PTPN21: variants seen among roughly 807,000 people sequenced by gnomAD.
The protein encoded by PTPN21 is protein tyrosine phosphatase non-receptor type 21.
Under a neutral mutation model 131.8 loss-of-function variants are expected in PTPN21, and 77 were observed. The ratio of observed to expected loss-of-function variants is 0.58; its 90% CI spans 0.49 to 0.71. PTPN21 has a LOEUF of 0.71. Ranked by LOEUF, PTPN21 falls within the 30% of genes least tolerant of loss-of-function variation. PTPN21 has a pLI of 0.00. For missense variants in PTPN21, 1,552 were observed against 1,527.1 expected (o/e 1.02, Z -0.27); for synonymous variants, 715 against 621.3 (o/e 1.15, Z -2.24).
At chr14:88,548,847 C>A (rs888146507) in intron 2 of PTPN21, among the ~76,000 whole-genome samples, 1 of 152,164 alleles carries the variant, frequency 6.6e-6, no homozygotes, top group Non-Finnish European at 1.5e-5. Flanking sequence ...CATGAGTACT[C>A]CATAACTTCC....
chr14:88,495,390 G>A (rs150206891), intron 10 of PTPN21, among the ~76,000 whole-genome samples: 1 of 152,342 alleles, frequency 6.6e-6, no homozygotes, highest in Non-Finnish European at 1.5e-5. Context: ...GCCGGGCACG[G>A]TGGCTCACGC....
chr14:88,479,479 C>T lies in PTPN21; in HGVS notation c.1952G>A (p.Arg651Gln), dbSNP rs754570259. The change falls in exon 13 of 19, where the codon CGG (arginine) becomes CAG (glutamine). Residue 651 changes from arginine (R) to glutamine (Q), a missense_variant. By Grantham distance (43) the Arg-to-Gln change is conservative (BLOSUM62 1). Coordinates refer to ENST00000556564, the MANE Select transcript of PTPN21 (RefSeq NM_007039.4). ...AGLSHGLEGLRLKERTLSASA... is the reference protein window; with the variant it reads ...AGLSHGLEGLQLKERTLSASA... ...CGCGGATAGGGTGCGCTCCTTGAGC[C>T]GCAGGCCCTCCAGGCCGTGGCTGAG... is the stretch of plus-strand genomic sequence containing the variant. 6 of 1,602,076 alleles carry T rather than the reference C, an allele frequency of 3.7e-6. No individual in the cohort carries two copies. The South Asian group carries it at 6.6e-5, about 18-fold the overall frequency.
intron 4 of PTPN21, among the ~76,000 whole-genome samples, chr14:88,506,642 CAAGTGG>C (rs1190760264): frequency 1.3e-5 from 2 of 152,092 alleles, no homozygotes; most frequent in African/African-American, 4.8e-5. Context: ...AGAAACCAAA[CAAGTGG>C]GAGTGGGGTG....
At chr14:88,548,135 CCT>C (rs2078809013) in intron 2 of PTPN21, among the ~76,000 whole-genome samples, 1 of 152,154 alleles carries the variant, frequency 6.6e-6, no homozygotes, top group Admixed American at 6.5e-5. Flanking sequence ...ATTCCAACCA[CCT>C]CTCTCCAACC....
intron 2 of PTPN21, among the ~76,000 whole-genome samples, chr14:88,521,517 C>T (rs1344143699): frequency 3.3e-5 from 5 of 151,588 alleles, no homozygotes; most frequent in Non-Finnish European, 7.4e-5. Flanking sequence ...CTTCTCCTGC[C>T]TCAGCCTCCC....
In PTPN21 at chr14:88,488,212, C is replaced by T. The variant is rs117152625; in HGVS notation, c.933-2370G>A. On this transcript the variant is annotated intron_variant, in intron 10 of 18. Transcript: ENST00000556564. ...ATTCTCTGTCAACAAACTCCAACAA[C>T]ATGTCTACAGTTGCCCAGCCTGGGG... Among the ~76,000 whole-genome samples, 382 of 152,254 alleles carry T rather than the reference C, an allele frequency of 2.5e-3. 2 individuals carry two copies. The highest frequency in any genetic ancestry group is 3.7e-3 in the Non-Finnish European group (254 of 68,020).
intron 10 of PTPN21, among the ~76,000 whole-genome samples, chr14:88,489,537 A>G (rs2077790241): frequency 2.6e-5 from 4 of 152,190 alleles, no homozygotes; most frequent in Non-Finnish European, 5.9e-5. Flanking sequence ...TGGCTACTTC[A>G]GAAGCTGAGG....
intron 10 of PTPN21, among the ~76,000 whole-genome samples, chr14:88,489,795 G>A (rs941870468): frequency 2.0e-5 from 3 of 150,568 alleles, no homozygotes; most frequent in Non-Finnish European, 4.4e-5. Flanking sequence ...GGTAGACCAG[G>A]GCTGCATCCA....
At chr14:88,497,049 C>T (rs1369481116) in intron 9 of PTPN21, among the ~76,000 whole-genome samples, 154 bp downstream of exon 9, 1 of 152,186 alleles carries the variant, frequency 6.6e-6, no homozygotes, top group Non-Finnish European at 1.5e-5. Flanking sequence ...TGCCATTTTG[C>T]AAAATGCTAT....
At chr14:88,481,421 C>T (rs1167797371) in intron 12 of PTPN21, among the ~76,000 whole-genome samples, 3 of 152,114 alleles carry the variant, frequency 2.0e-5, no homozygotes, top group African/African-American at 7.2e-5. Flanking sequence ...TCACTGCTGC[C>T]ACAGCTCGGG....
intron 8 of PTPN21, among the ~76,000 whole-genome samples, chr14:88,499,877 T>A (rs2077983132): frequency 6.6e-6 from 1 of 152,222 alleles, no homozygotes; most frequent in African/African-American, 2.4e-5. Context: ...ATCTTTAAGA[T>A]ACAAATTAGA....
Position 88,469,818 on chromosome 14 carries a change from A to G in PTPN21, c.3001-85T>C. On this transcript the variant is annotated intron_variant, in intron 16 of 18. Transcript: ENST00000556564. The surrounding 1 kb of genome is among the most constrained non-coding windows in gnomAD (Gnocchi z 4.3). The stretch of plus-strand genomic sequence containing the variant: ...TAGACGGCACATCTGAAACAGAACC[A>G]CAACCCTACCCTGCCTTTTTCTCCA... 6.2e-7 allele frequency: 1 copy of G among 1,601,642 alleles called. No homozygotes were observed. Among genetic ancestry groups the G allele is most frequent in the South Asian group, 1.1e-5 (1 of 90,744 alleles).
intron 3 of PTPN21, 48 bp downstream of exon 3, chr14:88,517,044 C>G: frequency 6.3e-7 from 1 of 1,582,734 alleles, no homozygotes; most frequent in Non-Finnish European, 8.6e-7. Flanking sequence ...TCACTTTTTA[C>G]ATCTCACTAG....
intron 5 of PTPN21, among the ~76,000 whole-genome samples, chr14:88,505,069 AT>A (rs1033395355): frequency 1.3e-5 from 2 of 152,150 alleles, no homozygotes; most frequent in Non-Finnish European, 2.9e-5. Context: ...TAGAAAACAA[AT>A]GTCTCCAGGC....
intron 1 of PTPN21, 37 bp downstream of exon 1, chr14:88,554,614 G>GCCCGCCCCT (rs1486818300): frequency 1.3e-5 from 2 of 149,686 alleles, no homozygotes; most frequent in Non-Finnish European, 3.0e-5. Flanking sequence ...CGGGCCAGCC[G>GCCCGCCCCT]CCCGCCCCTC....
chr14:88,474,010 C>T (rs1208227934), intron 13 of PTPN21: 3 of 464,918 alleles, frequency 6.5e-6, no homozygotes, highest in Non-Finnish European at 1.1e-5. Flanking sequence ...CTGATAAAGT[C>T]TTCCAGATAG....
intron 10 of PTPN21, among the ~76,000 whole-genome samples, chr14:88,486,929 T>G (rs955514677): frequency 2.0e-5 from 3 of 150,154 alleles, no homozygotes; most frequent in Non-Finnish European, 4.4e-5. Context: ...TGAGCCGAGA[T>G]TGCGCCATTG....
intron 8 of PTPN21, 36 bp downstream of exon 8, chr14:88,500,747 C>T: frequency 7.3e-7 from 1 of 1,369,276 alleles, no homozygotes; most frequent in East Asian, 2.3e-5. Context: ...CCAACAGGAG[C>T]CATAGAAAAC....
In PTPN21 at chr14:88,517,137, A is replaced by C. The variant is rs766154137; in HGVS notation, c.305T>G (p.Val102Gly). 1 of 1,614,038 alleles carries C rather than the reference A, an allele frequency of 6.2e-7. No individual in the cohort carries two copies. The highest frequency in any genetic ancestry group is 1.3e-5 in the African/African-American group (1 of 75,038). The change falls in exon 3 of 19, where the codon GTG becomes GGG. Residue 102 changes from valine (V) to glycine (G), a missense_variant. Val to Gly is a moderately radical substitution (Grantham distance 109, BLOSUM62 -3). Transcript: ENST00000556564. ...CTGAGAAACTGAAGGCACATAAAAC[A>C]CCACTCCAAAATAGACGGTAGGTTC... The part of the protein sequence containing the change: ...ALEPTVYFGV[V>G]FYVPSVSQLQ...
Sources: gnomAD v4.1 joint callset for allele counts (sites outside exome capture counted in the v4.1 genomes callset) on GRCh38, gnomAD v4.1.1 for gene constraint, Gnocchi (gnomAD v3.1) non-coding constraint, MANE v1.5 for transcripts, NCBI Gene and HGNC (gene_info 2026-07-23, HGNC 2026-07-21) for gene names.